The following NALF1 variants were observed in gnomAD, a reference collection of about 807,000 sequenced individuals.
The protein encoded by NALF1 is family with sequence similarity 155 member A.
Under a neutral mutation model 48.4 loss-of-function variants are expected in NALF1, and 3 were observed. The ratio of observed to expected loss-of-function variants is 0.06; its 90% CI spans 0.03 to 0.16. The LOEUF (loss-of-function observed/expected upper bound fraction) is 0.16, where lower values mean the gene tolerates loss of function less well. NALF1 is among the 10% of genes least tolerant of loss of function. The probability of loss-of-function intolerance (pLI) is 1.00; values close to 1 mark genes in which losing one functional copy is unlikely to be tolerated. For missense variants in NALF1, 526 were observed against 571.5 expected, an observed-to-expected ratio of 0.92 and a Z score of 0.81; for synonymous variants, 262 against 245.7, an observed-to-expected ratio of 1.07 and a Z score of -0.62.
intron 1 of NALF1, among the ~76,000 whole-genome samples, chr13:107,607,720 C>A (rs2138429534): frequency 6.6e-6 from 1 of 152,264 alleles, no homozygotes; most frequent in Middle Eastern, 3.4e-3. Flanking sequence ...GGTTCTCTCA[C>A]TTACTAGCTG....
chr13:107,538,707 C>A (rs190406362), intron 1 of NALF1, among the ~76,000 whole-genome samples: 1 of 152,254 alleles, frequency 6.6e-6, no homozygotes, highest in East Asian at 1.9e-4. Flanking sequence ...AGTTCAAACA[C>A]TGATTCTTAC....
chr13:107,312,358 T>C (rs909876065), intron 1 of NALF1, among the ~76,000 whole-genome samples: 2 of 149,212 alleles, frequency 1.3e-5, no homozygotes, highest in African/African-American at 5.0e-5. Context: ...CACTCATAGG[T>C]GGGAATTGAA....
At chr13:107,254,222 A>T (rs1474268727) in intron 1 of NALF1, among the ~76,000 whole-genome samples, 1 of 152,092 alleles carries the variant, frequency 6.6e-6, no homozygotes, top group Non-Finnish European at 1.5e-5. Context: ...TGTCATCTTC[A>T]CTTTACAGAA....
At chr13:107,584,101 T>G (rs118121983) in intron 1 of NALF1, among the ~76,000 whole-genome samples, 1 of 152,150 alleles carries the variant, frequency 6.6e-6, no homozygotes, top group Non-Finnish European at 1.5e-5. Flanking sequence ...GAAAATCGTT[T>G]AAAAATGTGC....
intron 2 of NALF1, among the ~76,000 whole-genome samples, chr13:107,200,448 G>T (rs141065544): frequency 6.6e-6 from 1 of 152,152 alleles, no homozygotes; most frequent in Non-Finnish European, 1.5e-5. Flanking sequence ...GACTTCGAGC[G>T]AGGGGCATGA....
intron 1 of NALF1, among the ~76,000 whole-genome samples, chr13:107,613,756 G>A (rs1184462864): frequency 1.3e-5 from 2 of 152,182 alleles, no homozygotes; most frequent in Admixed American, 6.5e-5. Flanking sequence ...TCAATAAATA[G>A]TTGTCAAGAC....
intron 1 of NALF1, among the ~76,000 whole-genome samples, chr13:107,265,697 T>A (rs1055500481): frequency 6.6e-6 from 1 of 152,116 alleles, no homozygotes; most frequent in Non-Finnish European, 1.5e-5. Context: ...TGAGCCACCA[T>A]GCCTGGCCTA....
intron 1 of NALF1, among the ~76,000 whole-genome samples, chr13:107,519,143 A>G (rs1247170669): frequency 6.6e-6 from 1 of 152,166 alleles, no homozygotes; most frequent in Non-Finnish European, 1.5e-5. Flanking sequence ...TGTGTTTACA[A>G]TCAGTCACAA....
chr13:107,810,708 C>T (rs1480095867), intron 1 of NALF1, among the ~76,000 whole-genome samples: 1 of 152,078 alleles, frequency 6.6e-6, no homozygotes, highest in East Asian at 1.9e-4. Context: ...TGCTTTGTCT[C>T]TCACATTTAC....
intron 1 of NALF1, among the ~76,000 whole-genome samples, chr13:107,766,030 C>A (rs1443751260): frequency 6.6e-6 from 1 of 151,972 alleles, no homozygotes; most frequent in Non-Finnish European, 1.5e-5. Context: ...AAAATAATAA[C>A]CATAAAGAAC....
intron 1 of NALF1, among the ~76,000 whole-genome samples, chr13:107,619,011 T>C (rs1282019143): frequency 1.3e-5 from 2 of 152,212 alleles, no homozygotes; most frequent in African/African-American, 4.8e-5. Context: ...GAACTTACTG[T>C]GATGATGGAA....
At chr13:107,343,376 G>A (rs1204048934) in intron 1 of NALF1, among the ~76,000 whole-genome samples, 2 of 152,170 alleles carry the variant, frequency 1.3e-5, no homozygotes, top group Non-Finnish European at 2.9e-5. Context: ...GGACCCAGTG[G>A]GAGGTGATTG....
chr13:107,298,351 C>CAAAAAAAAAAAAAAAAAAAAAA (rs1192707023), intron 1 of NALF1, among the ~76,000 whole-genome samples: 1 of 16,626 alleles, frequency 6.0e-5, no homozygotes, highest in Non-Finnish European at 1.1e-4. Flanking sequence ...GACTCCATCT[C>CAAAAAAAAAAAAAAAAAAAAAA]AAAAAAAAAA....
At chr13:107,534,310 C>T (rs1177116703) in intron 1 of NALF1, among the ~76,000 whole-genome samples, 1 of 151,892 alleles carries the variant, frequency 6.6e-6, no homozygotes, top group Non-Finnish European at 1.5e-5. Flanking sequence ...TTTAAAATTG[C>T]TAAAATATGT....
At chr13:107,680,328 G>C (rs765936598) in intron 1 of NALF1, among the ~76,000 whole-genome samples, 2 of 152,192 alleles carry the variant, frequency 1.3e-5, no homozygotes, top group South Asian at 4.1e-4. Flanking sequence ...CCACCCAGTG[G>C]ACAAGAACAA....
intron 1 of NALF1, among the ~76,000 whole-genome samples, chr13:107,310,433 C>A (rs980211923): frequency 2.0e-5 from 3 of 150,712 alleles, no homozygotes; most frequent in African/African-American, 7.3e-5. Context: ...AAAGTAATTT[C>A]TCCTAAAACA....
chr13:107,824,215 G>A lies in NALF1; in HGVS notation c.915+41467C>T, dbSNP rs143008198. 4.6e-3 allele frequency among the ~76,000 whole-genome samples: 691 copies of A among 151,738 alleles called. 5 individuals are homozygous for A. The highest frequency in any genetic ancestry group is 0.016 in the African/African-American group (655 of 41,342). The stretch of plus-strand genomic sequence containing the variant: ...CTAAATTGTCTGATTGTTAATATAG[G>A]GACCATATCACTAAATTGTCTGATT... On this transcript the variant is annotated intron_variant, in intron 1 of 2. Transcript: ENST00000375915.
At chr13:107,713,362 A>T (rs1875659215) in intron 1 of NALF1, among the ~76,000 whole-genome samples, 1 of 152,136 alleles carries the variant, frequency 6.6e-6, no homozygotes, top group South Asian at 2.1e-4. Flanking sequence ...AAGGGCTCTG[A>T]TATTTTTTAC....
chr13:107,828,335 G>A (rs1016234501), intron 1 of NALF1, among the ~76,000 whole-genome samples: 7 of 152,048 alleles, frequency 4.6e-5, no homozygotes, highest in African/African-American at 7.2e-5. Context: ...CATAAACCAC[G>A]TCACAGAAGC....
Sources: allele counts gnomAD v4.1 joint callset (sites outside exome capture counted in the v4.1 genomes callset), GRCh38; gene constraint gnomAD v4.1.1; transcripts MANE v1.5; gene names NCBI Gene and HGNC (gene_info 2026-07-23, HGNC 2026-07-21).